Variants in SNX25 observed in about 807,000 individuals in gnomAD.
The protein encoded by SNX25 is sorting nexin-25.
Under a neutral mutation model 113.7 loss-of-function variants are expected in SNX25, and 62 were observed. The observed-to-expected ratio is 0.55, with a 90% confidence interval of 0.44 to 0.67. The LOEUF (loss-of-function observed/expected upper bound fraction) is 0.67. SNX25 is among the 30% of genes least tolerant of loss of function. The probability of loss-of-function intolerance (pLI) is 0.00; values close to 1 mark genes in which losing one functional copy is unlikely to be tolerated. For synonymous variants in SNX25, 421 were observed against 436.2 expected (o/e 0.97, Z 0.43); for missense variants, 1,014 against 1,161.0 (o/e 0.87, Z 1.84).
intron 5 of SNX25, among the ~76,000 whole-genome samples, chr4:185,285,292 A>G (rs375229093): frequency 2.0e-5 from 3 of 152,202 alleles, no homozygotes; most frequent in South Asian, 2.1e-4. Flanking sequence ...TTAATCTGAT[A>G]TGTCCTGAAA....
At chr4:185,294,649 C>G (rs1165697794) in intron 6 of SNX25, among the ~76,000 whole-genome samples, 1 of 152,096 alleles carries the variant, frequency 6.6e-6, no homozygotes, top group African/African-American at 2.4e-5. Context: ...CTGCTATTTC[C>G]AAGTCAAATA....
chr4:185,354,575 C>T (rs958604147), intron 15 of SNX25, among the ~76,000 whole-genome samples: 1 of 152,118 alleles, frequency 6.6e-6, no homozygotes, highest in Non-Finnish European at 1.5e-5. Flanking sequence ...GAAATCCTAC[C>T]CTAGTGAATC....
At chr4:185,360,090 A>G (rs541275553) in intron 16 of SNX25, among the ~76,000 whole-genome samples, 5 of 152,342 alleles carry the variant, frequency 3.3e-5, no homozygotes, top group Admixed American at 1.3e-4. Flanking sequence ...CAGCTGATAG[A>G]AAGTCAGATC....
intron 11 of SNX25, among the ~76,000 whole-genome samples, chr4:185,369,009 G>T (rs751429395): frequency 6.6e-6 from 1 of 151,868 alleles, no homozygotes; most frequent in African/African-American, 2.4e-5. Context: ...GGACAGGTTG[G>T]TCTCACACTC....
At chr4:185,347,547 C>T (rs747042382) in intron 13 of SNX25, among the ~76,000 whole-genome samples, 15 of 151,906 alleles carry the variant, frequency 9.9e-5, no homozygotes, top group African/African-American at 2.7e-4. Context: ...CTTGGCTCAC[C>T]GTAACCTCTG....
rs556807346 is a variant in SNX25, at chr4:185,245,215, A to G, written c.430-2079A>G. 5.3e-5 allele frequency among the ~76,000 whole-genome samples: 8 copies of G among 150,170 alleles called. No individual in the cohort carries two copies. In the South Asian group the frequency reaches 8.6e-4, roughly 16 times the overall value. On this transcript the variant is annotated intron_variant, in intron 1 of 18. Transcript: ENST00000652585. ...AGTAAGTAGACCCCAATTACATTGT[A>G]TATGCTTTTGATTACGGTGATATGT...
intron 5 of SNX25, among the ~76,000 whole-genome samples, chr4:185,270,800 G>A (rs1469969234): frequency 1.3e-5 from 2 of 152,098 alleles, no homozygotes; most frequent in African/African-American, 4.8e-5. Context: ...TTTGTGTCTG[G>A]TTGCTTTCAC....
chr4:185,275,380 G>A (rs1458424013), intron 5 of SNX25, among the ~76,000 whole-genome samples: 1 of 152,180 alleles, frequency 6.6e-6, no homozygotes, highest in East Asian at 1.9e-4. Flanking sequence ...TAATACATGA[G>A]ATTAAGGTGG....
rs200071404 is a variant in SNX25 at position 185,249,481 on chromosome 4, G to GT, written c.514+2108dup. 9.9e-3 allele frequency among the ~76,000 whole-genome samples: 1,514 copies of GT among 152,162 alleles called. 14 individuals are homozygous for GT. The highest frequency in any genetic ancestry group is 0.051 in the Middle Eastern group (15 of 294). ...TTTTTAAACTTATAATTTATTTATAGTTTTTAAAATATCTGGATTCATGTC... is the reference window on the plus strand; with the variant it reads ...TTTTTAAACTTATAATTTATTTATAGTTTTTTAAAATATCTGGATTCATGTC... On this transcript the variant is annotated intron_variant, in intron 2 of 18. Transcript: ENST00000652585.
rs527889895 is a variant in SNX25 at position 185,221,308 on chromosome 4, C to A, written c.429+11053C>A. Among the ~76,000 whole-genome samples, 12 of 152,218 alleles carry A rather than the reference C, an allele frequency of 7.9e-5. No homozygotes were observed. In the East Asian group the frequency reaches 2.3e-3, roughly 29 times the overall value. Reference sequence around the variant, plus strand: ...TTGGCCTCCCAAAGTGCTGGAATTACAGGTGTGAGCCACTGTGCCTGACCC... The same window carrying A: ...TTGGCCTCCCAAAGTGCTGGAATTAAAGGTGTGAGCCACTGTGCCTGACCC... On this transcript the variant is annotated intron_variant, in intron 1 of 18. Transcript: ENST00000652585.
Position 185,358,669 on chromosome 4 carries a change from G to C in SNX25, c.2651+932G>C, listed in dbSNP as rs955130884. Among the ~76,000 whole-genome samples, 11 of 152,222 alleles carry C rather than the reference G, an allele frequency of 7.2e-5. No homozygotes were observed. The East Asian group carries it at 2.1e-3, about 29-fold the overall frequency. On this transcript the variant is annotated intron_variant, in intron 16 of 18. Coordinates refer to ENST00000652585, the MANE Select transcript of SNX25 (RefSeq NM_001378034.2). The stretch of plus-strand genomic sequence containing the variant: ...CTGACCTAACCTGGCCCCCTGGTCT[G>C]GTGCCTGCTTCATCTCTGTGCCTGG...
At chr4:185,375,455 C>CAAAAAAAAAAAA in the SNX25 span, among the ~76,000 whole-genome samples, 3 of 14,774 alleles carry the variant, frequency 2.0e-4, no homozygotes, top group African/African-American at 4.4e-4. Flanking sequence ...GACTCCGTCT[C>CAAAAAAAAAAAA]AAAAAAAAAA....
At position 185,310,723 on chromosome 4, in the gene SNX25, G is replaced by C; in HGVS notation, c.1251G>C (p.Gln417His). The change falls in exon 7 of 19, where the codon CAG becomes CAC. Residue 417 changes from glutamine (Q) to histidine (H), a missense_variant. Physicochemically the swap from Gln to His is conservative, Grantham distance 24. Transcript: ENST00000652585. ...ACCAACTGACTGTGGCAAAGAAGCAGTGTGAGAAGAGAATCCGAATCCTGG... is the reference window on the plus strand; with the variant it reads ...ACCAACTGACTGTGGCAAAGAAGCACTGTGAGAAGAGAATCCGAATCCTGG... Reference protein sequence around the residue: ...YINQLTVAKKQCEKRIRILGG... With the variant: ...YINQLTVAKKHCEKRIRILGG... 6.2e-7 allele frequency: 1 copy of C among 1,614,100 alleles called. No homozygotes were observed. Among genetic ancestry groups the C allele is most frequent in the Non-Finnish European group, 8.5e-7 (1 of 1,179,992 alleles).
Position 185,258,843 on chromosome 4 carries a change from G to T in SNX25, c.515-5G>T. On this transcript the variant is annotated splice_polypyrimidine_tract_variant and splice_region_variant and intron_variant, in intron 2 of 18. Transcript: ENST00000652585. ...TTTACTCATTGCTTTGTTTATTCCT[G>T]GTAGTGTTCGACTACAGTTATAGAG... 1 of 1,606,598 alleles carries T rather than the reference G, an allele frequency of 6.2e-7. No individual in the cohort carries two copies. The highest frequency in any genetic ancestry group is 8.5e-7 in the Non-Finnish European group (1 of 1,173,610).
chr4:185,378,295 A>G, the SNX25 span: 1 of 1,518,880 alleles, frequency 6.6e-7, no homozygotes, highest in African/African-American at 1.4e-5. Context: ...GGTGCTCATT[A>G]GGAAAAGCAT....
intron 4 of SNX25, among the ~76,000 whole-genome samples, chr4:185,266,434 C>G (rs1259518513): frequency 6.6e-6 from 1 of 152,166 alleles, no homozygotes; most frequent in East Asian, 1.9e-4. Flanking sequence ...GATCTCGGCT[C>G]ACTGCAACCT....
chr4:185,257,679 T>C (rs1746656034), intron 2 of SNX25, among the ~76,000 whole-genome samples: 1 of 152,232 alleles, frequency 6.6e-6, no homozygotes, highest in Non-Finnish European at 1.5e-5. Flanking sequence ...ATGAGCTTTT[T>C]GTTGTGGTAT....
chr4:185,362,010 A>T lies in SNX25; in HGVS notation c.2738A>T (p.Asn913Ile). 1 of 1,614,054 alleles carries T rather than the reference A, an allele frequency of 6.2e-7. No individual in the cohort carries two copies. Among genetic ancestry groups the T allele is most frequent in the Non-Finnish European group, 8.5e-7 (1 of 1,179,996 alleles). Reference sequence around the variant, plus strand: ...ATTTTCCGGGATGCTTTTTGGCCAAATGGGAAGTTGGCACCACCGACCACA... The same window carrying T: ...ATTTTCCGGGATGCTTTTTGGCCAATTGGGAAGTTGGCACCACCGACCACA... ...INIFRDAFWP[N>I]GKLAPPTTIR... The change falls in exon 17 of 19, where the codon AAT becomes ATT. Residue 913 changes from asparagine (N) to isoleucine (I), a missense_variant. By Grantham distance (149) the Asn-to-Ile change is moderately radical (BLOSUM62 -3). Coordinates refer to ENST00000652585, the MANE Select transcript of SNX25 (RefSeq NM_001378034.2).
At chr4:185,281,772 T>G (rs1750596924) in intron 5 of SNX25, among the ~76,000 whole-genome samples, 1 of 152,148 alleles carries the variant, frequency 6.6e-6, no homozygotes, top group Non-Finnish European at 1.5e-5. Flanking sequence ...TCCCAGCACT[T>G]TGGGAGGCTG....
Sources: gnomAD v4.1 joint callset for allele counts (sites outside exome capture counted in the v4.1 genomes callset) on GRCh38, gnomAD v4.1.1 for gene constraint, MANE v1.5 for transcripts, NCBI Gene and HGNC (gene_info 2026-07-23, HGNC 2026-07-21) for gene names.